The following RGL1 variants were observed in gnomAD, a reference collection of about 807,000 sequenced individuals.
RGL1 encodes the protein ral guanine nucleotide dissociation stimulator-like 1.
In RGL1, 24 loss-of-function variants were observed where a neutral mutation model predicts 95.2. The observed-to-expected ratio is 0.25, with a 90% CI of 0.18 to 0.35. The LOEUF (loss-of-function observed/expected upper bound fraction) is 0.35. Among genes scored for constraint, RGL1 ranks in the 10% least tolerant of loss-of-function variants. RGL1 has a pLI of 1.00. For synonymous variants in RGL1, 329 were observed against 344.9 expected, an observed-to-expected ratio of 0.95 and a Z score of 0.51; for missense variants, 715 against 936.3, an observed-to-expected ratio of 0.76 and a Z score of 3.08.
intron 4 of RGL1, among the ~76,000 whole-genome samples, chr1:183,874,889 TAGG>T (rs1034056531): frequency 2.6e-5 from 4 of 152,116 alleles, no homozygotes; most frequent in Admixed American, 1.3e-4. Context: ...GTTCTATGAT[TAGG>T]AGAACAAGGT....
At chr1:183,795,324 A>G (rs1660643706) in intron 2 of RGL1, among the ~76,000 whole-genome samples, 1 of 152,274 alleles carries the variant, frequency 6.6e-6, no homozygotes, top group Admixed American at 6.5e-5. Context: ...TAATGGGAGA[A>G]ACGGGAGAAA....
intron 4 of RGL1, among the ~76,000 whole-genome samples, chr1:183,868,930 C>T (rs1354778760): frequency 6.6e-6 from 1 of 152,100 alleles, no homozygotes. Context: ...GCCTGGGCAA[C>T]GTAGTGGGAC....
rs141533151 is a variant in RGL1, at chr1:183,728,184, C to T, written c.-32-13942C>T. Among the ~76,000 whole-genome samples, 444 of 152,230 alleles carry T rather than the reference C, an allele frequency of 2.9e-3. 4 individuals carry two copies. Among genetic ancestry groups the T allele is most frequent in the African/African-American group, 0.01 (424 of 41,534 alleles). ...CTAGGTCTTTGGACTTGAACTGGAA[C>T]GTATATCATCAGTTCTACTGATTCT... On this transcript the variant is annotated intron_variant, in intron 1 of 18. Transcript: ENST00000304685.
chr1:183,648,367 A>G, intron 1 of RGL1: 1 of 1,614,252 alleles, frequency 6.2e-7, no homozygotes, highest in Middle Eastern at 1.6e-4. Flanking sequence ...AGGAAATTAT[A>G]CATTTTGCTG....
intron 1 of RGL1, among the ~76,000 whole-genome samples, chr1:183,731,643 A>G (rs1028036928): frequency 7.2e-5 from 11 of 152,282 alleles, no homozygotes; most frequent in African/African-American, 2.6e-4. Context: ...ACAAAATGAA[A>G]ATGAAAGCTT....
chr1:183,673,577 T>C (rs1048057871), intron 1 of RGL1, among the ~76,000 whole-genome samples: 1 of 152,264 alleles, frequency 6.6e-6, no homozygotes, highest in Non-Finnish European at 1.5e-5. Flanking sequence ...TCGATGCCAG[T>C]GCAGCAGTTC....
At chr1:183,769,974 G>A (rs1195220052) in intron 2 of RGL1, among the ~76,000 whole-genome samples, 1 of 152,150 alleles carries the variant, frequency 6.6e-6, no homozygotes, top group African/African-American at 2.4e-5. Flanking sequence ...AGATTGCAAA[G>A]AATATTGGGG....
chr1:183,829,780 A>C (rs1194598960), intron 2 of RGL1, among the ~76,000 whole-genome samples: 3 of 152,158 alleles, frequency 2.0e-5, no homozygotes, highest in Non-Finnish European at 4.4e-5. Flanking sequence ...TGGCATTTGC[A>C]CATGCTGTTC....
intron 2 of RGL1, among the ~76,000 whole-genome samples, chr1:183,786,390 C>T (rs557910526): frequency 1.2e-4 from 19 of 152,240 alleles, no homozygotes; most frequent in South Asian, 2.1e-4. Context: ...AGACTAAAAT[C>T]CTGTCTCTAA....
chr1:183,902,259 T>TACAGGCG (rs1668071320), intron 11 of RGL1, among the ~76,000 whole-genome samples: 1 of 152,240 alleles, frequency 6.6e-6, no homozygotes, highest in Non-Finnish European at 1.5e-5. Flanking sequence ...TAATGGAATA[T>TACAGGCG]TTACTCAAGC....
intron 3 of RGL1, among the ~76,000 whole-genome samples, chr1:183,848,714 A>G (rs115319782): frequency 1.3e-3 from 204 of 152,356 alleles, no homozygotes; most frequent in African/African-American, 4.9e-3. Flanking sequence ...TAAAAATATT[A>G]GTAGTAAGAA....
intron 9 of RGL1, 98 bp downstream of exon 9, chr1:183,892,259 C>A: frequency 1.2e-6 from 1 of 842,050 alleles, no homozygotes; most frequent in Non-Finnish European, 1.8e-6. Flanking sequence ...CCTTCAACTC[C>A]AAAGAAAGCC....
At chr1:183,731,025 A>G (rs191986335) in intron 1 of RGL1, among the ~76,000 whole-genome samples, 1 of 152,282 alleles carries the variant, frequency 6.6e-6, no homozygotes, top group Non-Finnish European at 1.5e-5. Context: ...GCAAGTGTAT[A>G]AGTCATTTTT....
intron 1 of RGL1, among the ~76,000 whole-genome samples, chr1:183,670,951 A>C (rs562223312): frequency 5.4e-4 from 82 of 152,220 alleles, no homozygotes; most frequent in Non-Finnish European, 8.4e-4. Flanking sequence ...CTGGTAATTT[A>C]TAAAGGAAAG....
At chr1:183,662,627 C>T (rs1434286058) in intron 1 of RGL1, among the ~76,000 whole-genome samples, 1 of 152,148 alleles carries the variant, frequency 6.6e-6, no homozygotes, top group Non-Finnish European at 1.5e-5. Flanking sequence ...ATAAAAATGG[C>T]CATACTGCCC....
In RGL1 at chr1:183,928,222, A is replaced by G. The variant is rs1044391819; in HGVS notation, c.*1930A>G. 2.0e-5 allele frequency: 3 copies of G among 152,492 alleles called. No homozygotes were observed. In the South Asian group the frequency reaches 6.3e-4, roughly 32 times the overall value. 9.4% of individuals were successfully genotyped at this position (152,492 alleles called of 1,614,324 possible). A position where few individuals can be genotyped will look rare whatever the true frequency, so the allele number is the denominator to read the frequency against. The stretch of plus-strand genomic sequence containing the variant: ...GTTGAGGGCGTGACCACCAAGACAT[A>G]TATGTTGTGCCCGTGTTCATCCTGT... On this transcript the variant is annotated 3_prime_UTR_variant, in exon 18 of 18. Coordinates refer to ENST00000360851, the MANE Select transcript of RGL1 (RefSeq NM_001297671.3).
intron 2 of RGL1, among the ~76,000 whole-genome samples, chr1:183,758,532 TG>T (rs1658485691): frequency 6.6e-6 from 1 of 152,158 alleles, no homozygotes; most frequent in Non-Finnish European, 1.5e-5. Context: ...CTCTGGAGGC[TG>T]GGAGTCTGAC....
chr1:183,773,155 C>T (rs534907896), intron 2 of RGL1, among the ~76,000 whole-genome samples: 1 of 151,912 alleles, frequency 6.6e-6, no homozygotes, highest in South Asian at 2.1e-4. Flanking sequence ...TCCCTGATCT[C>T]TCTGCAGACC....
chr1:183,753,904 A>C (rs1382131446), intron 2 of RGL1, among the ~76,000 whole-genome samples: 1 of 151,846 alleles, frequency 6.6e-6, no homozygotes, highest in Non-Finnish European at 1.5e-5. Context: ...TGGCTCTTGA[A>C]CATGGTGTTT....
Sources: allele counts gnomAD v4.1 joint callset (sites outside exome capture counted in the v4.1 genomes callset), GRCh38; gene constraint gnomAD v4.1.1; transcripts MANE v1.5; gene names NCBI Gene and HGNC (gene_info 2026-07-23, HGNC 2026-07-21).